MXI1: variants seen among roughly 807,000 people sequenced by gnomAD.
MXI1 encodes the protein MAX interactor 1, dimerization protein.
Under a neutral mutation model 36.9 loss-of-function variants are expected in MXI1, and 18 were observed. That is an observed-to-expected ratio of 0.49 (90% CI 0.34 to 0.72). MXI1 has a LOEUF of 0.72. MXI1 is among the 30% of genes least tolerant of loss of function. The pLI is 0.01. For missense variants in MXI1, 304 were observed against 379.1 expected (o/e 0.80, Z 1.64); for synonymous variants, 160 against 146.7 (o/e 1.09, Z -0.65).
Position 110,286,932 on chromosome 10 carries a change from G to T in MXI1, c.*1945G>T, listed in dbSNP as rs1857436590. The T allele has an allele frequency of 6.6e-6, 1 of 152,144 alleles. No homozygotes were observed. Among genetic ancestry groups the T allele is most frequent in the Non-Finnish European group, 1.5e-5 (1 of 68,030 alleles). The allele number at this position is 152,144 out of a possible 1,614,324, so 9.4% of individuals were successfully genotyped here. ...ACAGGACAAAACAATTCCTTTTTGTGGCCCAGGTAAATTATTTCTGGTTTC... is the reference window on the plus strand; with the variant it reads ...ACAGGACAAAACAATTCCTTTTTGTTGCCCAGGTAAATTATTTCTGGTTTC... On this transcript the variant is annotated 3_prime_UTR_variant, in exon 6 of 6. Transcript: ENST00000332674.
chr10:110,275,833 G>A (rs183986181), intron 3 of MXI1, among the ~76,000 whole-genome samples: 3 of 152,212 alleles, frequency 2.0e-5, no homozygotes, highest in Non-Finnish European at 4.4e-5. Context: ...CGATTTTGGA[G>A]GACTGTATTT....
Position 110,207,818 on chromosome 10 carries a change from C to G in MXI1, c.10C>G (p.Arg4Gly). MGK[R>G]GRPRKEARCE... ...GGACCCCCGCTCCTCCATGGGCAAA[C>G]GCGGGCGGCCGCGCAAGGAGGCGCG... Residue 4 changes from arginine to glycine, a missense_variant, in exon 1 of 6, where the codon CGC (arginine) becomes GGC (glycine). Around this residue, in one of 2 missense-constraint regions of MXI1, gnomAD observed 179 missense variants for 184.8 expected, o/e 0.97. Coordinates refer to ENST00000332674, the MANE Select transcript of MXI1 (RefSeq NM_130439.3). 8.9e-7 allele frequency: 1 copy of G among 1,117,492 alleles called. No homozygotes were observed. The highest frequency in any genetic ancestry group is 1.1e-6 in the Non-Finnish European group (1 of 915,040). 69.2% of individuals were successfully genotyped at this position (1,117,492 alleles called of 1,614,324 possible).
At chr10:110,236,589 G>C (rs1343616091) in intron 2 of MXI1, among the ~76,000 whole-genome samples, 3 of 151,986 alleles carry the variant, frequency 2.0e-5, no homozygotes, top group Admixed American at 2.0e-4. Flanking sequence ...CCTGAGTGAG[G>C]AGCTGGGACT....
intron 4 of MXI1, 81 bp downstream of exon 4, chr10:110,279,375 C>G (rs1857153213): frequency 8.5e-7 from 1 of 1,173,572 alleles, no homozygotes; most frequent in Admixed American, 1.8e-5. Context: ...TCATATACAT[C>G]AGCTAGTTCA....
intron 3 of MXI1, among the ~76,000 whole-genome samples, chr10:110,254,259 T>A (rs1389879292): frequency 1.3e-5 from 2 of 152,150 alleles, no homozygotes; most frequent in Non-Finnish European, 2.9e-5. Context: ...TACGATGATC[T>A]GTGGATCTGT....
At chr10:110,247,823 G>A (rs755204315) in intron 3 of MXI1, among the ~76,000 whole-genome samples, 2 of 152,146 alleles carry the variant, frequency 1.3e-5, no homozygotes, top group Non-Finnish European at 2.9e-5. Flanking sequence ...AATACCATTT[G>A]ACCCAGCAAT....
At chr10:110,228,365 A>G (rs1486819920) in intron 2 of MXI1, 44 bp downstream of exon 2, 1 of 1,611,184 alleles carries the variant, frequency 6.2e-7, no homozygotes, top group South Asian at 1.1e-5. Context: ...GGAGGGAAGG[A>G]GCACATTTCT....
chr10:110,210,778 C>G (rs890464135), intron 1 of MXI1, among the ~76,000 whole-genome samples: 4 of 152,248 alleles, frequency 2.6e-5, no homozygotes, highest in South Asian at 2.1e-4. Context: ...GCACACAATG[C>G]CCGCGCGTCA....
chr10:110,272,527 G>A (rs1208526358), intron 3 of MXI1, among the ~76,000 whole-genome samples: 5 of 152,062 alleles, frequency 3.3e-5, no homozygotes, highest in African/African-American at 7.2e-5. Context: ...ACCTCTAGAG[G>A]TATATATAGC....
chr10:110,232,246 C>T (rs1640756256), intron 2 of MXI1, among the ~76,000 whole-genome samples: 1 of 152,214 alleles, frequency 6.6e-6, no homozygotes, highest in African/African-American at 2.4e-5. Flanking sequence ...AGGTGTGACC[C>T]ACCGCACTTG....
At chr10:110,275,950 A>G (rs1043617962) in intron 3 of MXI1, among the ~76,000 whole-genome samples, 1 of 148,530 alleles carries the variant, frequency 6.7e-6, no homozygotes, top group Non-Finnish European at 1.5e-5. Flanking sequence ...TGACAATAAA[A>G]TGTTCAGTAG....
intron 2 of MXI1, among the ~76,000 whole-genome samples, chr10:110,240,256 A>G (rs1855623484): frequency 6.6e-6 from 1 of 152,098 alleles, no homozygotes. Context: ...ACATGTAAAC[A>G]TATATTGGCT....
chr10:110,258,453 A>G lies in MXI1; in HGVS notation c.437+13596A>G, dbSNP rs761436870. ...CTTAGAAAGTAGGTGACACTCATTT[A>G]CTTGAATTTTCTTAGGAACCGGATA... On this transcript the variant is annotated intron_variant, in intron 3 of 5. Transcript: ENST00000332674. Among the ~76,000 whole-genome samples, 9 of 152,284 alleles carry G rather than the reference A, an allele frequency of 5.9e-5. No individual in the cohort carries two copies. The East Asian group carries it at 1.3e-3, about 23-fold the overall frequency.
At chr10:110,280,188 C>G in intron 5 of MXI1, 103 bp downstream of exon 5, 1 of 955,568 alleles carries the variant, frequency 1.0e-6, no homozygotes, top group Non-Finnish European at 1.5e-6. Flanking sequence ...TTCTAGCCAA[C>G]AGAGTAACAT....
chr10:110,247,369 G>A (rs1449450614), intron 3 of MXI1, among the ~76,000 whole-genome samples: 1 of 152,130 alleles, frequency 6.6e-6, no homozygotes, highest in Non-Finnish European at 1.5e-5. Context: ...TTCTTTTGCT[G>A]TGCAGAAGCC....
chr10:110,279,834 T>C, intron 4 of MXI1, 80 bp from the exon 5 acceptor site: 1 of 1,104,582 alleles, frequency 9.1e-7, no homozygotes, highest in Non-Finnish European at 1.2e-6. Context: ...TTCATTCATG[T>C]TTTCTCTGCT....
chr10:110,244,994 A>G (rs1033064932), intron 3 of MXI1, 137 bp downstream of exon 3: 41 of 775,416 alleles, frequency 5.3e-5, no homozygotes, highest in Non-Finnish European at 6.4e-5. Context: ...AATCTGATAT[A>G]TATGTATTTT....
At chr10:110,236,324 T>C (rs893194044) in intron 2 of MXI1, among the ~76,000 whole-genome samples, 1 of 152,004 alleles carries the variant, frequency 6.6e-6, no homozygotes, top group Non-Finnish European at 1.5e-5. Flanking sequence ...TTCATCCTTA[T>C]TCTAATGCCA....
chr10:110,285,010 C>T lies in MXI1; in HGVS notation c.*23C>T, dbSNP rs535643627. 2.0e-5 allele frequency: 32 copies of T among 1,588,614 alleles called. No individual in the cohort carries two copies. In the Admixed American group the frequency reaches 3.1e-4, roughly 15 times the overall value. ...TAGAACCCAGCATGACATAACAGTG[C>T]AGGGCAAAATATTCACTGGGCCAAT... is the stretch of plus-strand genomic sequence containing the variant. On this transcript the variant is annotated 3_prime_UTR_variant, in exon 6 of 6. Transcript: ENST00000332674.
Sources: allele counts gnomAD v4.1 joint callset (sites outside exome capture counted in the v4.1 genomes callset), GRCh38; gene constraint gnomAD v4.1.1; regional missense constraint gnomAD v4.1.1; transcripts MANE v1.5; gene names NCBI Gene and HGNC (gene_info 2026-07-23, HGNC 2026-07-21).